Variants in MROH2B observed in about 807,000 individuals in gnomAD.
MROH2B encodes the protein maestro heat-like repeat-containing protein family member 2B.
Under a neutral mutation model 208.6 loss-of-function variants are expected in MROH2B, and 177 were observed. That is an observed-to-expected ratio of 0.85 (90% confidence interval 0.75 to 0.96). MROH2B has a LOEUF of 0.96. MROH2B is among the 40% of genes least tolerant of loss of function. The pLI is 0.00. For missense variants in MROH2B, 2,002 were observed against 1,878.7 expected (o/e 1.07, Z -1.21); for synonymous variants, 728 against 659.0 (o/e 1.10, Z -1.60).
intron 5 of MROH2B, among the ~76,000 whole-genome samples, chr5:41,061,968 C>T (rs943348602): frequency 3.4e-5 from 5 of 148,864 alleles, no homozygotes; most frequent in African/African-American, 1.0e-4. Flanking sequence ...CAAGTGTTAA[C>T]AAGACTAAGG....
chr5:41,069,500 G>C (rs75833824), intron 2 of MROH2B, among the ~76,000 whole-genome samples, 191 bp downstream of exon 2: 1 of 152,054 alleles, frequency 6.6e-6, no homozygotes, highest in Non-Finnish European at 1.5e-5. Context: ...TAGATGCTGT[G>C]ATTCTTGAAA....
Position 41,045,817 on chromosome 5 carries a change from C to A in MROH2B, c.1765G>T (p.Ala589Ser). ...KESLWKISDV[A>S]WTIQLTQDFK... ...TCCTGAGTCAGCTGAATGGTCCAGG[C>A]CACATCACTGATCTTCCATAAGGAT... Residue 589 changes from alanine to serine, a missense_variant, in exon 18 of 42, where the codon GCC becomes TCC. Transcript: ENST00000399564. 1 of 1,613,276 alleles carries A rather than the reference C, an allele frequency of 6.2e-7. No homozygotes were observed. The highest frequency in any genetic ancestry group is 8.5e-7 in the Non-Finnish European group (1 of 1,179,438).
intron 30 of MROH2B, 93 bp from the exon 31 acceptor site, chr5:41,010,172 A>C: frequency 8.7e-7 from 1 of 1,144,712 alleles, no homozygotes; most frequent in Non-Finnish European, 1.2e-6. Context: ...TGGGCAGCTG[A>C]TGAATTCTAA....
chr5:41,032,502 T>A (rs13153833), intron 24 of MROH2B, among the ~76,000 whole-genome samples: 42 of 151,906 alleles, frequency 2.8e-4, no homozygotes, highest in African/African-American at 9.9e-4. Context: ...TCCTCATATA[T>A]TAATACATAT....
At chr5:41,069,785 T>G in intron 1 of MROH2B, 33 bp from the exon 2 acceptor site, 6 of 1,426,158 alleles carry the variant, frequency 4.2e-6, no homozygotes, top group Non-Finnish European at 5.9e-6. Flanking sequence ...AATTGAAATA[T>G]ATGCTGAAAT....
At chr5:41,062,038 T>C (rs1743658664) in intron 5 of MROH2B, among the ~76,000 whole-genome samples, 1 of 149,122 alleles carries the variant, frequency 6.7e-6, no homozygotes, top group African/African-American at 2.6e-5. Context: ...TTTGCAGAAC[T>C]CTTTGGCACT....
chr5:41,039,370 A>C, intron 20 of MROH2B, 78 bp downstream of exon 20: 1 of 823,938 alleles, frequency 1.2e-6, no homozygotes, highest in Non-Finnish European at 1.9e-6. Context: ...GTATAATATA[A>C]GAAAGGATAT....
rs75061969 is a variant in MROH2B at position 41,052,592 on chromosome 5, G to A, written c.1108-5C>T. ...GAGAAGAACAGAATTTCTTACCTAG[G>A]GTAAGAACAATGCAATAGCAACATT... On this transcript the variant is annotated splice_polypyrimidine_tract_variant and splice_region_variant and intron_variant, in intron 11 of 41. Transcript: ENST00000399564. 31 of 1,604,452 alleles carry A rather than the reference G, an allele frequency of 1.9e-5. No homozygotes were observed. The East Asian group carries it at 5.8e-4, about 30-fold the overall frequency.
intron 40 of MROH2B, among the ~76,000 whole-genome samples, chr5:40,999,009 A>G (rs1352746724): frequency 2.0e-5 from 3 of 152,212 alleles, no homozygotes; most frequent in Non-Finnish European, 4.4e-5. Context: ...TGGGGGGATC[A>G]TATGTATGAT....
At chr5:41,033,896 C>T (rs1417042080) in intron 21 of MROH2B, 32 bp from the exon 22 acceptor site, 5 of 1,548,802 alleles carry the variant, frequency 3.2e-6, no homozygotes, top group Middle Eastern at 1.7e-4. Context: ...ATTAGATACT[C>T]AATGAGTGGC....
At chr5:41,001,789 T>C (rs775598833) in intron 37 of MROH2B, among the ~76,000 whole-genome samples, 10 of 151,814 alleles carry the variant, frequency 6.6e-5, no homozygotes, top group East Asian at 1.9e-4. Flanking sequence ...TATTACCTCA[T>C]TGGAGTTACG....
intron 6 of MROH2B, among the ~76,000 whole-genome samples, chr5:41,060,166 T>G (rs1743590917): frequency 1.3e-5 from 2 of 152,222 alleles, no homozygotes; most frequent in Admixed American, 1.3e-4. Flanking sequence ...CATTCTATTC[T>G]TCAGCATCTG....
At chr5:41,039,355 A>T in intron 20 of MROH2B, 93 bp downstream of exon 20, 1 of 712,924 alleles carries the variant, frequency 1.4e-6, no homozygotes, top group Non-Finnish European at 2.3e-6. Context: ...TGGGGACAGG[A>T]GTAAGTATAA....
chr5:41,033,146 T>C lies in MROH2B; in HGVS notation c.2256A>G (p.Gln752=). ...MSVMNKDMDL[Q]MSFTRSITEI... ...CAGTGATGCTTCTTGTGAAACTCATTTGCAGATCCATGTCCTAAAGCAAAA... is the reference window on the plus strand; with the variant it reads ...CAGTGATGCTTCTTGTGAAACTCATCTGCAGATCCATGTCCTAAAGCAAAA... Residue 752 remains glutamine (Q), a synonymous_variant, in exon 23 of 42, where the codon CAA becomes CAG. Coordinates refer to ENST00000399564, the MANE Select transcript of MROH2B (RefSeq NM_173489.5). 1 of 1,612,804 alleles carries C rather than the reference T, an allele frequency of 6.2e-7. No homozygotes were observed. Among genetic ancestry groups the C allele is most frequent in the Admixed American group, 1.7e-5 (1 of 59,840 alleles).
Position 41,012,770 on chromosome 5 carries a change from C to T in MROH2B, c.2983-35G>A, listed in dbSNP as rs1741815494. On this transcript the variant is annotated intron_variant, in intron 29 of 41. Coordinates refer to ENST00000399564, the MANE Select transcript of MROH2B (RefSeq NM_173489.5). ...CACCCAGAAAGATTCGTGTAATCAACCACCCCATTTTATATCTAGATACTT... is the reference window on the plus strand; with the variant it reads ...CACCCAGAAAGATTCGTGTAATCAATCACCCCATTTTATATCTAGATACTT... 2.5e-6 allele frequency: 4 copies of T among 1,610,596 alleles called. No individual in the cohort carries two copies. In the South Asian group the frequency reaches 4.4e-5, roughly 18 times the overall value.
chr5:41,062,478 C>A (rs1026053439), intron 5 of MROH2B, among the ~76,000 whole-genome samples: 3 of 152,156 alleles, frequency 2.0e-5, no homozygotes, highest in African/African-American at 4.8e-5. Flanking sequence ...TTCTGATTTG[C>A]GTGATTTTCT....
At chr5:41,040,177 G>A (rs1447516834) in intron 19 of MROH2B, among the ~76,000 whole-genome samples, 1 of 152,124 alleles carries the variant, frequency 6.6e-6, no homozygotes, top group Non-Finnish European at 1.5e-5. Context: ...TGAATTGACT[G>A]ATGCTTTTAA....
chr5:41,031,595 C>T (rs1742572110), intron 24 of MROH2B, among the ~76,000 whole-genome samples: 3 of 151,956 alleles, frequency 2.0e-5, no homozygotes, highest in Admixed American at 6.6e-5. Context: ...TTTGTTTCTT[C>T]CATCTTTTAT....
At position 41,042,214 on chromosome 5, in the gene MROH2B, A is replaced by G. The variant is rs1742977291; in HGVS notation, c.1837-6T>C. The G allele has an allele frequency of 2.0e-6, 3 of 1,510,498 alleles. No individual in the cohort carries two copies. Among genetic ancestry groups the G allele is most frequent in the Middle Eastern group, 1.7e-4 (1 of 5,888 alleles). 93.6% of individuals were successfully genotyped at this position (1,510,498 alleles called of 1,614,324 possible). ...AAGGCTTTCCAAAGGAATTTCTGGA[A>G]AACAAAAGATAAGCAACAGGATTTT... On this transcript the variant is annotated splice_region_variant and splice_polypyrimidine_tract_variant and intron_variant, in intron 18 of 41. Transcript: ENST00000399564.
Sources: gnomAD v4.1 joint callset for allele counts (sites outside exome capture counted in the v4.1 genomes callset) on GRCh38, gnomAD v4.1.1 for gene constraint, MANE v1.5 for transcripts, NCBI Gene and HGNC (gene_info 2026-07-23, HGNC 2026-07-21) for gene names.